The following SPAG16 variants were observed in gnomAD, a reference collection of about 807,000 sequenced individuals.
The protein encoded by SPAG16 is sperm-associated antigen 16 protein.
A neutral mutation model predicts 80.4 loss-of-function variants in SPAG16; 86 were observed. That is an observed-to-expected ratio of 1.07 (90% CI 0.90 to 1.28). SPAG16 has a LOEUF of 1.28. Among genes scored for constraint, SPAG16 ranks in the 50% most tolerant of loss-of-function variants. SPAG16 has a pLI of 0.00. For missense variants in SPAG16, 870 were observed against 765.3 expected, an observed-to-expected ratio of 1.14 and a Z score of -1.61; for synonymous variants, 294 against 265.9, an observed-to-expected ratio of 1.11 and a Z score of -1.03.
At chr2:214,156,184 C>T (rs2056207282) in intron 15 of SPAG16, among the ~76,000 whole-genome samples, 1 of 152,060 alleles carries the variant, frequency 6.6e-6, no homozygotes. Flanking sequence ...AGAGAATCTC[C>T]CTAGTATTAT....
In SPAG16 at chr2:214,139,206, T is replaced by G. The variant is rs906447880; in HGVS notation, c.1594-9934T>G. On this transcript the variant is annotated intron_variant, in intron 14 of 15. Coordinates refer to ENST00000331683, the MANE Select transcript of SPAG16 (RefSeq NM_024532.5). ...TTTTCAAAGTTTATTGCCAGTTGAC[T>G]TTTAAATTTATTTTGTTCTGGAAAT... Among the ~76,000 whole-genome samples, 5 of 152,308 alleles carry G rather than the reference T, an allele frequency of 3.3e-5. No individual in the cohort carries two copies. In the East Asian group the frequency reaches 9.6e-4, roughly 29 times the overall value.
chr2:213,902,774 C>T (rs1170063486), intron 11 of SPAG16, among the ~76,000 whole-genome samples: 1 of 152,182 alleles, frequency 6.6e-6, no homozygotes, highest in East Asian at 1.9e-4. Context: ...TCCAAAGTCT[C>T]ATCTGAGACA....
At chr2:214,337,044 G>A (rs1697344002) in intron 15 of SPAG16, among the ~76,000 whole-genome samples, 1 of 150,644 alleles carries the variant, frequency 6.6e-6, no homozygotes, top group Non-Finnish European at 1.5e-5. Context: ...GCAGGTACTT[G>A]ACGCCAGTCC....
chr2:213,750,522 G>T (rs2068030887), intron 10 of SPAG16, among the ~76,000 whole-genome samples: 1 of 152,086 alleles, frequency 6.6e-6, no homozygotes, highest in Admixed American at 6.5e-5. Flanking sequence ...TACAAGTATT[G>T]TATTCTCTTT....
intron 13 of SPAG16, among the ~76,000 whole-genome samples, chr2:214,066,559 G>T (rs561893099): frequency 6.6e-6 from 1 of 152,014 alleles, no homozygotes; most frequent in African/African-American, 2.4e-5. Context: ...ACTCTTTATG[G>T]ACAGGTAAAG....
intron 10 of SPAG16, among the ~76,000 whole-genome samples, chr2:213,783,053 C>T (rs1192569536): frequency 2.9e-5 from 4 of 137,498 alleles, no homozygotes; most frequent in Non-Finnish European, 6.3e-5. Context: ...CCCCCTCCCC[C>T]GACCCCACCA....
chr2:213,648,593 CAG>C (rs774621869), intron 10 of SPAG16, among the ~76,000 whole-genome samples: 4 of 127,546 alleles, frequency 3.1e-5, no homozygotes, highest in African/African-American at 1.2e-4. Flanking sequence ...TAGGCACACA[CAG>C]ACACACACAC....
intron 10 of SPAG16, among the ~76,000 whole-genome samples, chr2:213,796,845 T>G (rs1363909568): frequency 6.6e-6 from 1 of 152,096 alleles, no homozygotes; most frequent in Non-Finnish European, 1.5e-5. Context: ...AACTATAAAA[T>G]AGTCTCAGGC....
intron 10 of SPAG16, among the ~76,000 whole-genome samples, chr2:213,560,933 G>A (rs576010892): frequency 4.5e-4 from 68 of 152,228 alleles, no homozygotes; most frequent in African/African-American, 1.4e-3. Flanking sequence ...GCACGATCTC[G>A]GCTCACTGCA....
rs572970816 is a variant in SPAG16, at chr2:213,430,126, C to T, written c.942+55007C>T. ...ATTCAGGATATAAATGAGAAATTTA[C>T]CAAGGAGACAGATATCTTAAAAACA... On this transcript the variant is annotated intron_variant, in intron 9 of 15. Transcript: ENST00000331683. 5.3e-4 allele frequency among the ~76,000 whole-genome samples: 81 copies of T among 152,108 alleles called. 1 individual carries two copies. The South Asian group carries it at 9.7e-3, about 18-fold the overall frequency.
chr2:213,694,104 C>A (rs1442357791), intron 10 of SPAG16, among the ~76,000 whole-genome samples: 2 of 151,574 alleles, frequency 1.3e-5, no homozygotes, highest in African/African-American at 4.9e-5. Flanking sequence ...CATGGACTCT[C>A]ATGTAGATTG....
At chr2:213,294,789 G>A (rs918163234) in intron 1 of SPAG16, among the ~76,000 whole-genome samples, 1 of 152,118 alleles carries the variant, frequency 6.6e-6, no homozygotes, top group African/African-American at 2.4e-5. Flanking sequence ...AACACTTTAT[G>A]TATTTATGTA....
intron 9 of SPAG16, among the ~76,000 whole-genome samples, chr2:213,474,913 A>G (rs988671305): frequency 1.3e-5 from 2 of 152,140 alleles, no homozygotes; most frequent in African/African-American, 4.8e-5. Context: ...CCCCAGATTA[A>G]TACTTTGCCT....
At chr2:213,730,494 T>C (rs925140143) in intron 10 of SPAG16, among the ~76,000 whole-genome samples, 12 of 152,224 alleles carry the variant, frequency 7.9e-5, no homozygotes, top group Admixed American at 2.6e-4. Flanking sequence ...GGTTTTTCTT[T>C]CAATACTTTC....
intron 10 of SPAG16, among the ~76,000 whole-genome samples, chr2:213,679,763 G>A (rs2125254748): frequency 6.6e-6 from 1 of 152,186 alleles, no homozygotes; most frequent in Non-Finnish European, 1.5e-5. Context: ...GAAAAATAAA[G>A]ACTTTAAGTT....
chr2:214,290,008 T>C (rs1031117820), intron 15 of SPAG16, among the ~76,000 whole-genome samples: 5 of 152,166 alleles, frequency 3.3e-5, no homozygotes, highest in African/African-American at 1.2e-4. Context: ...TAGTTCTTTA[T>C]ATGTTTGGTA....
At chr2:213,519,486 AG>A in intron 10 of SPAG16, among the ~76,000 whole-genome samples, 1 of 152,254 alleles carries the variant, frequency 6.6e-6, no homozygotes, top group Non-Finnish European at 1.5e-5. Context: ...TTCCTGCAAA[AG>A]CTCTTTGCCT....
At chr2:213,462,144 T>C (rs1327066519) in intron 9 of SPAG16, among the ~76,000 whole-genome samples, 4 of 152,204 alleles carry the variant, frequency 2.6e-5, no homozygotes, top group Non-Finnish European at 5.9e-5. Context: ...TTTTAAGAGA[T>C]TGACTTGTTA....
intron 10 of SPAG16, among the ~76,000 whole-genome samples, chr2:213,492,684 TG>T (rs1427075647): frequency 1.3e-4 from 17 of 132,016 alleles, no homozygotes; most frequent in South Asian, 2.4e-4. Flanking sequence ...AAAAGAAAGT[TG>T]TTTTTTTTTT....
Sources: gnomAD v4.1 joint callset for allele counts (sites outside exome capture counted in the v4.1 genomes callset) on GRCh38, gnomAD v4.1.1 for gene constraint, MANE v1.5 for transcripts, NCBI Gene and HGNC (gene_info 2026-07-23, HGNC 2026-07-21) for gene names.